METTL16: variants seen among roughly 807,000 people sequenced by gnomAD.
The protein encoded by METTL16 is RNA N(6)-adenosine-methyltransferase METTL16.
METTL16 carries 19 observed loss-of-function variants against 57.9 expected under a neutral mutation model. That is an observed-to-expected ratio of 0.33 (90% CI 0.23 to 0.48). METTL16 has a LOEUF of 0.48. METTL16 is among the 20% of genes least tolerant of loss of function. The probability of loss-of-function intolerance (pLI) is 0.99; values close to 1 mark genes in which losing one functional copy is unlikely to be tolerated. For synonymous variants in METTL16, 246 were observed against 255.6 expected (o/e 0.96, Z 0.36); for missense variants, 434 against 691.5 (o/e 0.63, Z 4.18).
In METTL16 at chr17:2,493,693, T is replaced by A. The variant is rs542111929; in HGVS notation, c.128+8511A>T. ...GAGATTGGGCCACTGCACTCCAGTC[T>A]GGGTGACGCTGTGAGACTCTGTCTC... On this transcript the variant is annotated intron_variant, in intron 2 of 9. Transcript: ENST00000263092. Among the ~76,000 whole-genome samples, 9 of 138,366 alleles carry A rather than the reference T, an allele frequency of 6.5e-5. No individual in the cohort carries two copies. The East Asian group carries it at 2.0e-3, about 30-fold the overall frequency. The allele number at this position is 138,366 out of a possible 152,430, so 90.8% of individuals were successfully genotyped here. A position where few individuals can be genotyped will look rare whatever the true frequency, so the allele number is the denominator to read the frequency against.
At chr17:2,492,834 G>C (rs1358625745) in intron 2 of METTL16, among the ~76,000 whole-genome samples, 2 of 145,014 alleles carry the variant, frequency 1.4e-5, no homozygotes, top group Admixed American at 7.1e-5. Context: ...GGAGGCAGAG[G>C]TTGCAGTGAG....
At chr17:2,464,760 G>A (rs2067178111) in intron 5 of METTL16, among the ~76,000 whole-genome samples, 1 of 151,982 alleles carries the variant, frequency 6.6e-6, no homozygotes, top group Non-Finnish European at 1.5e-5. Context: ...CATATGAAAA[G>A]TTAACTCAAA....
At chr17:2,492,129 T>G (rs987211306) in intron 2 of METTL16, among the ~76,000 whole-genome samples, 1 of 151,200 alleles carries the variant, frequency 6.6e-6, no homozygotes, top group Non-Finnish European at 1.5e-5. Flanking sequence ...GAGAATGGCG[T>G]GAACCTGGGA....
chr17:2,471,918 A>T (rs1376977997), intron 4 of METTL16, among the ~76,000 whole-genome samples: 1 of 152,152 alleles, frequency 6.6e-6, no homozygotes, highest in Non-Finnish European at 1.5e-5. Flanking sequence ...GTTTGAGACC[A>T]GCCTGGGCAA....
intron 6 of METTL16, among the ~76,000 whole-genome samples, chr17:2,463,609 C>A (rs767722724): frequency 7.2e-5 from 11 of 151,900 alleles, no homozygotes; most frequent in South Asian, 6.2e-4. Flanking sequence ...CTACAGGCAC[C>A]CACCACCACA....
intron 3 of METTL16, among the ~76,000 whole-genome samples, chr17:2,476,528 G>T (rs2067269700): frequency 1.3e-5 from 2 of 152,094 alleles, no homozygotes; most frequent in Admixed American, 1.3e-4. Context: ...GAAGGAGAGT[G>T]AACAAAAGAG....
chr17:2,422,441 C>T (rs1054724558), intron 8 of METTL16, among the ~76,000 whole-genome samples: 10 of 151,848 alleles, frequency 6.6e-5, no homozygotes, highest in African/African-American at 1.7e-4. Context: ...AGTGCAATGG[C>T]GCCATCTCGG....
intron 6 of METTL16, among the ~76,000 whole-genome samples, chr17:2,445,495 G>C (rs1049524529): frequency 6.6e-6 from 1 of 151,970 alleles, no homozygotes; most frequent in Non-Finnish European, 1.5e-5. Flanking sequence ...GCATATAAAG[G>C]TCAGGGATTT....
At chr17:2,498,670 C>T (rs1411958303) in intron 2 of METTL16, among the ~76,000 whole-genome samples, 2 of 151,338 alleles carry the variant, frequency 1.3e-5, no homozygotes, top group East Asian at 3.9e-4. Flanking sequence ...ACCCAGGAGG[C>T]GGAGGTTGCA....
intron 8 of METTL16, among the ~76,000 whole-genome samples, chr17:2,426,164 C>T (rs2066816787): frequency 6.6e-6 from 1 of 152,038 alleles, no homozygotes. Context: ...GGCAAAGCAG[C>T]TTCTAGAAAA....
At chr17:2,488,449 C>T (rs1375771849) in intron 2 of METTL16, among the ~76,000 whole-genome samples, 1 of 151,702 alleles carries the variant, frequency 6.6e-6, no homozygotes, top group Non-Finnish European at 1.5e-5. Flanking sequence ...CCCAGCTACT[C>T]GGGAGGCTGA....
At chr17:2,491,115 C>G (rs1255256738) in intron 2 of METTL16, among the ~76,000 whole-genome samples, 1 of 152,168 alleles carries the variant, frequency 6.6e-6, no homozygotes, top group East Asian at 1.9e-4. Context: ...CGTTAGCACT[C>G]TGGGACATTC....
intron 4 of METTL16, among the ~76,000 whole-genome samples, chr17:2,469,893 C>T (rs1393466989): frequency 6.6e-6 from 1 of 152,158 alleles, no homozygotes; most frequent in East Asian, 1.9e-4. Flanking sequence ...ATCTTGGTGA[C>T]TAAGTTACTT....
At chr17:2,489,287 T>A (rs2067366347) in intron 2 of METTL16, among the ~76,000 whole-genome samples, 1 of 152,026 alleles carries the variant, frequency 6.6e-6, no homozygotes, top group Admixed American at 6.6e-5. Flanking sequence ...CTATGCTAAC[T>A]AAAGAGCAAC....
At chr17:2,437,093 G>T (rs2066914318) in intron 8 of METTL16, among the ~76,000 whole-genome samples, 2 of 152,058 alleles carry the variant, frequency 1.3e-5, no homozygotes, top group African/African-American at 4.8e-5. Flanking sequence ...TGTTGCCTAG[G>T]CTGGTTTCGA....
In METTL16 at chr17:2,419,898, T is replaced by C; in HGVS notation, c.*72A>G. On this transcript the variant is annotated 3_prime_UTR_variant, in exon 10 of 10. Coordinates refer to ENST00000263092, the MANE Select transcript of METTL16 (RefSeq NM_024086.4). ...TGCTACTAATGGGCCGCTGGTAGGATTCCTCTTGCCACCCCACAGGCCACT... is the reference window on the plus strand; with the variant it reads ...TGCTACTAATGGGCCGCTGGTAGGACTCCTCTTGCCACCCCACAGGCCACT... 1 of 1,557,974 alleles carries C rather than the reference T, an allele frequency of 6.4e-7. No individual in the cohort carries two copies. The highest frequency in any genetic ancestry group is 8.8e-7 in the Non-Finnish European group (1 of 1,141,454).
At chr17:2,485,689 T>TA (rs1198619112) in intron 2 of METTL16, among the ~76,000 whole-genome samples, 1 of 152,224 alleles carries the variant, frequency 6.6e-6, no homozygotes, top group Non-Finnish European at 1.5e-5. Flanking sequence ...AACAAATAGT[T>TA]ATTAAGTGTC....
At chr17:2,489,372 CG>C (rs1265308417) in intron 2 of METTL16, among the ~76,000 whole-genome samples, 3 of 151,952 alleles carry the variant, frequency 2.0e-5, no homozygotes, top group African/African-American at 7.2e-5. Context: ...ACTGTGATTT[CG>C]GCCGGGCGCA....
At chr17:2,477,560 C>G (rs2067276948) in intron 3 of METTL16, 126 bp downstream of exon 3, 1 of 706,844 alleles carries the variant, frequency 1.4e-6, no homozygotes. Context: ...TAAGGATGCT[C>G]AACCTGTATC....
Sources: gnomAD v4.1 joint callset for allele counts (sites outside exome capture counted in the v4.1 genomes callset) on GRCh38, gnomAD v4.1.1 for gene constraint, MANE v1.5 for transcripts, NCBI Gene and HGNC (gene_info 2026-07-23, HGNC 2026-07-21) for gene names.